PPP3R1: variants seen among roughly 807,000 people sequenced by gnomAD.
The protein encoded by PPP3R1 is protein phosphatase 3 regulatory subunit B, alpha.
A neutral mutation model predicts 22.6 loss-of-function variants in PPP3R1; 5 were observed. The ratio of observed to expected loss-of-function variants is 0.22; its 90% CI spans 0.12 to 0.46. PPP3R1 has a LOEUF of 0.46. PPP3R1 is among the 20% of genes least tolerant of loss of function. The pLI, the probability that PPP3R1 is intolerant of heterozygous loss-of-function variation, is 0.99. For synonymous variants in PPP3R1, 56 were observed against 65.2 expected (o/e 0.86, Z 0.68); for missense variants, 61 against 203.2 (o/e 0.30, Z 4.25).
At chr2:68,205,044 T>C (rs563561780) in intron 2 of PPP3R1, among the ~76,000 whole-genome samples, 1 of 152,262 alleles carries the variant, frequency 6.6e-6, no homozygotes, top group Non-Finnish European at 1.5e-5. Flanking sequence ...CCTTTTCCAT[T>C]TATTTAAAAA....
chr2:68,252,066 C>A (rs1378141508), intron 1 of PPP3R1, 59 bp downstream of exon 1: 7 of 1,370,488 alleles, frequency 5.1e-6, no homozygotes, highest in Non-Finnish European at 6.8e-6. Context: ...GCCCCCGCAC[C>A]CGACCCGGAC....
At chr2:68,185,030 C>A (rs1266127227) in intron 5 of PPP3R1, among the ~76,000 whole-genome samples, 1 of 152,092 alleles carries the variant, frequency 6.6e-6, no homozygotes, top group African/African-American at 2.4e-5. Context: ...ACCATCCTGG[C>A]CAACATGGTG....
intron 2 of PPP3R1, among the ~76,000 whole-genome samples, chr2:68,198,930 T>C (rs928693701): frequency 6.6e-6 from 1 of 152,202 alleles, no homozygotes; most frequent in Non-Finnish European, 1.5e-5. Context: ...AATTTTACTC[T>C]ATTATGCATG....
At chr2:68,209,759 C>T (rs939520394) in intron 2 of PPP3R1, among the ~76,000 whole-genome samples, 1 of 151,948 alleles carries the variant, frequency 6.6e-6, no homozygotes, top group African/African-American at 2.4e-5. Flanking sequence ...CTTTGCCTCC[C>T]TCTGTCGAGT....
At chr2:68,196,399 G>A (rs917965919) in intron 2 of PPP3R1, among the ~76,000 whole-genome samples, 1 of 152,104 alleles carries the variant, frequency 6.6e-6, no homozygotes, top group African/African-American at 2.4e-5. Context: ...GTACCAAGTG[G>A]AAGTTTAATA....
At position 68,179,128 on chromosome 2, in the gene PPP3R1, A is replaced by G. The variant is rs1384719334; in HGVS notation, c.*1835T>C. The G allele has an allele frequency of 6.6e-6, 1 of 152,644 alleles. No homozygotes were observed. The highest frequency in any genetic ancestry group is 2.4e-5 in the African/African-American group (1 of 41,460). The allele number at this position is 152,644 out of a possible 1,614,324, so 9.5% of individuals were successfully genotyped here. On this transcript the variant is annotated 3_prime_UTR_variant, in exon 6 of 6. Transcript: ENST00000234310. ...AGAAATAGAAAGCATTTGCTAAAAT[A>G]TTTGTAACAAATACTTATGTACAAA... is the stretch of plus-strand genomic sequence containing the variant.
rs1418955182 is a variant in PPP3R1, at chr2:68,217,076, C to G, written c.43+16G>C. 6.4e-7 allele frequency: 1 copy of G among 1,562,328 alleles called. No individual in the cohort carries two copies. The highest frequency in any genetic ancestry group is 8.7e-7 in the Non-Finnish European group (1 of 1,144,576). ...AGTGAATAAAAGTAACTTTTGGTAA[C>G]AAGAATATGACTTACAGTGTGAGCA... On this transcript the variant is annotated intron_variant, in intron 2 of 5. Transcript: ENST00000234310.
intron 2 of PPP3R1, among the ~76,000 whole-genome samples, chr2:68,207,922 G>C (rs987384028): frequency 6.6e-6 from 1 of 152,190 alleles, no homozygotes; most frequent in Non-Finnish European, 1.5e-5. Context: ...TTAGGAGGCC[G>C]AGGCAGGCGG....
intron 2 of PPP3R1, among the ~76,000 whole-genome samples, chr2:68,211,997 ACT>A (rs1471393724): frequency 2.6e-5 from 4 of 152,036 alleles, no homozygotes; most frequent in Admixed American, 1.3e-4. Flanking sequence ...CTTCTTTCAA[ACT>A]CTTGTTTATA....
At chr2:68,201,189 T>A (rs937869527) in intron 2 of PPP3R1, among the ~76,000 whole-genome samples, 7 of 152,168 alleles carry the variant, frequency 4.6e-5, no homozygotes, top group Admixed American at 3.9e-4. Flanking sequence ...CTATGTGATG[T>A]TGCATTTGAA....
chr2:68,227,180 G>C (rs1313903893), intron 1 of PPP3R1, among the ~76,000 whole-genome samples: 1 of 151,988 alleles, frequency 6.6e-6, no homozygotes, highest in African/African-American at 2.4e-5. Flanking sequence ...AGAGAACCAA[G>C]TTTTTTCATT....
At chr2:68,218,504 TAATG>T (rs2103773292) in intron 1 of PPP3R1, among the ~76,000 whole-genome samples, 1 of 152,288 alleles carries the variant, frequency 6.6e-6, no homozygotes, top group East Asian at 1.9e-4. Flanking sequence ...AGCTTGATAT[TAATG>T]AACAGAGATG....
chr2:68,239,756 C>T (rs1049263627), intron 1 of PPP3R1, among the ~76,000 whole-genome samples: 36 of 152,216 alleles, frequency 2.4e-4, no homozygotes, highest in African/African-American at 7.7e-4. Flanking sequence ...ATGCTGGCAG[C>T]GGCAGTATAT....
intron 2 of PPP3R1, among the ~76,000 whole-genome samples, chr2:68,192,836 T>C (rs929557234): frequency 1.3e-5 from 2 of 152,120 alleles, no homozygotes; most frequent in Non-Finnish European, 2.9e-5. Flanking sequence ...CCATCTTATC[T>C]CTTTCCCCAT....
At chr2:68,251,675 A>G (rs906500617) in intron 1 of PPP3R1, among the ~76,000 whole-genome samples, 2 of 152,126 alleles carry the variant, frequency 1.3e-5, no homozygotes, top group Admixed American at 6.5e-5. Context: ...GTAAAGTGCC[A>G]TTTGCCACAT....
chr2:68,186,673 T>C lies in PPP3R1; in HGVS notation c.281-21A>G, dbSNP rs371615086. 72 of 1,562,272 alleles carry C rather than the reference T, an allele frequency of 4.6e-5. No homozygotes were observed. The African/African-American group carries it at 8.3e-4, about 18-fold the overall frequency. On this transcript the variant is annotated intron_variant, in intron 4 of 5. Transcript: ENST00000234310. The stretch of plus-strand genomic sequence containing the variant: ...AGCAACTAAAAAAAAGGAAGGAAAA[T>C]CAATTCCAATTACAAAGCAATCACA...
rs1674991910 is a variant in PPP3R1, at chr2:68,202,158, A to G, written c.44-13468T>C. ...CCTTGCACATTTTTCCATATCTTTT[A>G]TCTTTTGCTCTAACATTCTGAGAAA... On this transcript the variant is annotated intron_variant, in intron 2 of 5. Transcript: ENST00000234310. 3.3e-5 allele frequency among the ~76,000 whole-genome samples: 5 copies of G among 152,152 alleles called. No individual in the cohort carries two copies. In the South Asian group the frequency reaches 1.0e-3, roughly 32 times the overall value.
At chr2:68,181,057 C>A (rs1397205440) in intron 5 of PPP3R1, 47 bp from the exon 6 acceptor site, 5 of 1,562,168 alleles carry the variant, frequency 3.2e-6, no homozygotes, top group Middle Eastern at 1.7e-4. Flanking sequence ...CTGAGAAACT[C>A]CTCATTCGTG....
chr2:68,210,539 TCAGA>T (rs1558634915), intron 2 of PPP3R1, among the ~76,000 whole-genome samples: 1 of 152,184 alleles, frequency 6.6e-6, no homozygotes, highest in Non-Finnish European at 1.5e-5. Context: ...TCCAACTAAG[TCAGA>T]CAACCAATCT....
Sources: allele counts gnomAD v4.1 joint callset (sites outside exome capture counted in the v4.1 genomes callset), GRCh38; gene constraint gnomAD v4.1.1; transcripts MANE v1.5; gene names NCBI Gene and HGNC (gene_info 2026-07-23, HGNC 2026-07-21).